The following CEMIP variants were observed in gnomAD, a reference collection of about 807,000 sequenced individuals.
CEMIP encodes cell migration-inducing and hyaluronan-binding protein.
A neutral mutation model predicts 156.9 loss-of-function variants in CEMIP; 105 were observed. The observed-to-expected ratio is 0.67, with a 90% CI of 0.57 to 0.79. The LOEUF (loss-of-function observed/expected upper bound fraction) is 0.79, where lower values mean the gene tolerates loss of function less well. CEMIP is among the 30% of genes least tolerant of loss of function. The probability of loss-of-function intolerance (pLI) is 0.00; values close to 1 mark genes in which losing one functional copy is unlikely to be tolerated. For synonymous variants in CEMIP, 676 were observed against 668.4 expected (o/e 1.01, Z -0.17); for missense variants, 1,457 against 1,769.4 (o/e 0.82, Z 3.17).
rs190346526 is a variant in CEMIP, at chr15:80,845,924, A to G, written c.-175-27614A>G. On this transcript the variant is annotated intron_variant, in intron 1 of 29. Transcript: ENST00000394685. ...CCTCCTCCCTCCATCCTCTAGATCT[A>G]GGAGACTCCTCCTGACACACCCACC... 7.2e-4 allele frequency among the ~76,000 whole-genome samples: 110 copies of G among 152,286 alleles called. No homozygotes were observed. The South Asian group carries it at 9.5e-3, about 13-fold the overall frequency.
At chr15:80,934,007 T>C (rs1901023944) in intron 23 of CEMIP, among the ~76,000 whole-genome samples, 1 of 152,252 alleles carries the variant, frequency 6.6e-6, no homozygotes, top group Non-Finnish European at 1.5e-5. Flanking sequence ...TAGAAAATCA[T>C]TAAAAACACT....
At chr15:80,813,747 C>T (rs1257542836) in intron 1 of CEMIP, among the ~76,000 whole-genome samples, 6 of 152,158 alleles carry the variant, frequency 3.9e-5, no homozygotes, top group Admixed American at 2.6e-4. Flanking sequence ...AATTTGAATT[C>T]GGACAGATGA....
intron 1 of CEMIP, among the ~76,000 whole-genome samples, chr15:80,800,836 A>G (rs1233057038): frequency 6.6e-6 from 1 of 152,222 alleles, no homozygotes; most frequent in Non-Finnish European, 1.5e-5. Flanking sequence ...ATAACTTTCC[A>G]AAAACCTGTT....
At chr15:80,876,220 G>A (rs1310086868) in intron 3 of CEMIP, among the ~76,000 whole-genome samples, 2 of 152,164 alleles carry the variant, frequency 1.3e-5, no homozygotes, top group Admixed American at 6.5e-5. Context: ...CTTGATGGAA[G>A]GCAGCCCAGG....
chr15:80,788,261 A>G (rs1285926088), intron 1 of CEMIP, among the ~76,000 whole-genome samples: 2 of 152,266 alleles, frequency 1.3e-5, no homozygotes, highest in East Asian at 3.9e-4. Flanking sequence ...ACTTGAGGTC[A>G]GGAGTTTGAA....
intron 1 of CEMIP, among the ~76,000 whole-genome samples, chr15:80,809,059 G>T (rs972920822): frequency 6.6e-6 from 1 of 152,112 alleles, no homozygotes; most frequent in African/African-American, 2.4e-5. Context: ...GTGGGGATTT[G>T]CACAGTTTCA....
chr15:80,924,627 A>T lies in CEMIP; in HGVS notation c.2209A>T (p.Met737Leu). ...NRAHSNYRAG[M>L]IIDNGVKTTE... ...GAATATCTCTTCCCTGCAGGCTGGCATGATCATAGACAACGGAGTCAAAAC... is the reference window on the plus strand; with the variant it reads ...GAATATCTCTTCCCTGCAGGCTGGCTTGATCATAGACAACGGAGTCAAAAC... The change falls in exon 18 of 30, where the codon ATG becomes TTG. Residue 737 changes from methionine to leucine, a missense_variant. Physicochemically the swap from Met to Leu is conservative, Grantham distance 15. Transcript: ENST00000394685. 1.9e-6 allele frequency: 3 copies of T among 1,614,150 alleles called. No individual in the cohort carries two copies. Among genetic ancestry groups the T allele is most frequent in the Non-Finnish European group, 2.5e-6 (3 of 1,179,996 alleles).
chr15:80,925,852 G>A, intron 19 of CEMIP, 97 bp downstream of exon 19: 1 of 1,501,610 alleles, frequency 6.7e-7, no homozygotes, highest in Non-Finnish European at 8.9e-7. Context: ...GAGAGGGGAA[G>A]CCAGACATAC....
intron 1 of CEMIP, among the ~76,000 whole-genome samples, chr15:80,780,815 G>T (rs555759099): frequency 1.3e-5 from 2 of 152,136 alleles, no homozygotes; most frequent in African/African-American, 4.8e-5. Flanking sequence ...CTCCACTCGG[G>T]GTCTGTGGCC....
chr15:80,828,852 C>T (rs1285639761), intron 1 of CEMIP, among the ~76,000 whole-genome samples: 1 of 152,208 alleles, frequency 6.6e-6, no homozygotes, highest in Non-Finnish European at 1.5e-5. Flanking sequence ...CAAATGGCTG[C>T]AATGCTTCCA....
Position 80,925,657 on chromosome 15 carries a change from G to A in CEMIP, c.2322G>A (p.Lys774=), listed in dbSNP as rs374706701. 1.2e-6 allele frequency: 2 copies of A among 1,613,488 alleles called. No individual in the cohort carries two copies. The highest frequency in any genetic ancestry group is 2.7e-5 in the African/African-American group (2 of 74,910). Residue 774 remains lysine, a synonymous_variant, in exon 19 of 30, where the codon AAG becomes AAA. Transcript: ENST00000394685. Reference sequence around the variant, plus strand: ...CTCACCAGGACGCCGACCCGCTGAAGCCCCGGGAGCCGGCCATCATCAGAC... The same window carrying A: ...CTCACCAGGACGCCGACCCGCTGAAACCCCGGGAGCCGGCCATCATCAGAC... ...YSPHQDADPL[K]PREPAIIRHF...
chr15:80,784,137 G>T (rs1167999824), intron 1 of CEMIP, among the ~76,000 whole-genome samples: 1 of 152,202 alleles, frequency 6.6e-6, no homozygotes, highest in Non-Finnish European at 1.5e-5. Context: ...TGGAAGGGCA[G>T]TCATATCAGG....
At chr15:80,934,754 G>A (rs1901051932) in intron 23 of CEMIP, among the ~76,000 whole-genome samples, 2 of 152,156 alleles carry the variant, frequency 1.3e-5, no homozygotes, top group African/African-American at 4.8e-5. Flanking sequence ...TGCAGCTGGT[G>A]GGGGTCAGGT....
intron 9 of CEMIP, 86 bp downstream of exon 9, chr15:80,888,882 C>G (rs565927134): frequency 8.5e-7 from 1 of 1,171,696 alleles, no homozygotes; most frequent in Admixed American, 1.7e-5. Context: ...GGATTTATCT[C>G]TTATACCAGT....
chr15:80,807,118 G>T (rs1228405030), intron 1 of CEMIP, among the ~76,000 whole-genome samples: 1 of 152,144 alleles, frequency 6.6e-6, no homozygotes, highest in Non-Finnish European at 1.5e-5. Context: ...CTTAAAACAG[G>T]TTTAAAGAAA....
rs774564745 is a variant in CEMIP, at chr15:80,924,666, G to A, written c.2248G>A (p.Ala750Thr). 8.1e-6 allele frequency: 13 copies of A among 1,614,056 alleles called. No homozygotes were observed. The South Asian group carries it at 8.8e-5, about 11-fold the overall frequency. ...CGGAGTCAAAACCACCGAGGCCTCT[G>A]CCAAGGACAAGCGGCCGTTCCTCTC... ...DNGVKTTEAS[A>T]KDKRPFLSII... Residue 750 changes from alanine to threonine, a missense_variant, in exon 18 of 30, where the codon GCC becomes ACC. Transcript: ENST00000394685.
intron 1 of CEMIP, among the ~76,000 whole-genome samples, chr15:80,859,923 C>T (rs1056541499): frequency 6.6e-6 from 1 of 152,168 alleles, no homozygotes; most frequent in African/African-American, 2.4e-5. Context: ...CTGAGTCCTG[C>T]CCCAGATCCA....
chr15:80,837,890 G>T (rs1389538637), intron 1 of CEMIP, among the ~76,000 whole-genome samples: 2 of 152,262 alleles, frequency 1.3e-5, no homozygotes, highest in Middle Eastern at 3.4e-3. Context: ...CACAGACTGG[G>T]GTCTCTCATT....
rs557685092 is a variant in CEMIP, at chr15:80,892,978, G to A, written c.1087-2012G>A. The stretch of plus-strand genomic sequence containing the variant: ...AAAGTGGGTGGATCAATTGAAGTTA[G>A]GAGTTCGAGACCAGCCTGGCCAAGC... On this transcript the variant is annotated intron_variant, in intron 10 of 29. Coordinates refer to ENST00000394685, the MANE Select transcript of CEMIP (RefSeq NM_001293298.2). 4.5e-4 allele frequency among the ~76,000 whole-genome samples: 69 copies of A among 152,260 alleles called. 1 individual carries two copies. The South Asian group carries it at 6.6e-3, about 15-fold the overall frequency.
Sources: gnomAD v4.1 joint callset for allele counts (sites outside exome capture counted in the v4.1 genomes callset) on GRCh38, gnomAD v4.1.1 for gene constraint, MANE v1.5 for transcripts, NCBI Gene and HGNC (gene_info 2026-07-23, HGNC 2026-07-21) for gene names.